TMLHE: variants seen among roughly 807,000 people sequenced by gnomAD.
TMLHE encodes trimethyllysine hydroxylase, epsilon, also known as trimethyllysine dioxygenase, mitochondrial.
TMLHE carries 18 observed loss-of-function variants against 25.7 expected under a neutral mutation model. That is an observed-to-expected ratio of 0.70 (90% CI 0.48 to 1.04). TMLHE has a LOEUF of 1.04. TMLHE is among the 50% of genes least tolerant of loss of function. The probability of loss-of-function intolerance (pLI) is 0.00; values close to 1 mark genes in which losing one functional copy is unlikely to be tolerated. For missense variants in TMLHE, 236 were observed against 259.0 expected, an observed-to-expected ratio of 0.91 and a Z score of 0.61; for synonymous variants, 105 against 97.0, an observed-to-expected ratio of 1.08 and a Z score of -0.49.
intron 1 of TMLHE, among the ~76,000 whole-genome samples, chrX:155,605,281 GA>G (rs2067780367): frequency 1.8e-5 from 2 of 111,517 alleles, no homozygotes; most frequent in African/African-American, 3.3e-5. Flanking sequence ...AACATCACTA[GA>G]AAGGACAACA....
chrX:155,599,096 CTG>C (rs1209687496), intron 1 of TMLHE, among the ~76,000 whole-genome samples: 1 of 111,431 alleles, frequency 9.0e-6, no homozygotes, highest in Non-Finnish European at 1.9e-5. Context: ...TGTTAATTGA[CTG>C]TTTATGTTAT....
chrX:155,558,468 G>T (rs782563022), intron 1 of TMLHE, among the ~76,000 whole-genome samples: 4 of 111,643 alleles, frequency 3.6e-5, no homozygotes, highest in Non-Finnish European at 7.6e-5. Flanking sequence ...CAATAGGAAG[G>T]CCTATCTGTC....
chrX:155,544,695 C>G (rs1473138231), intron 2 of TMLHE, among the ~76,000 whole-genome samples: 2 of 111,816 alleles, frequency 1.8e-5, no homozygotes, highest in Admixed American at 1.9e-4. Context: ...AACCCTCTCC[C>G]TTGTATATTA....
intron 2 of TMLHE, among the ~76,000 whole-genome samples, chrX:155,541,197 G>GC (rs2067308764): frequency 9.1e-6 from 1 of 110,271 alleles, no homozygotes; most frequent in Non-Finnish European, 1.9e-5. Flanking sequence ...CCCTCCCCTA[G>GC]ACCCCACTCC....
At chrX:155,586,981 T>C (rs2067668935) in intron 1 of TMLHE, among the ~76,000 whole-genome samples, 2 of 112,062 alleles carry the variant, frequency 1.8e-5, no homozygotes, top group Non-Finnish European at 3.8e-5. Context: ...TTCTAAAAAA[T>C]TGAAGAAGAG....
intron 2 of TMLHE, among the ~76,000 whole-genome samples, chrX:155,529,625 G>A (rs908561092): frequency 6.3e-5 from 7 of 111,651 alleles, no homozygotes; most frequent in Admixed American, 9.5e-5. Flanking sequence ...TTTCATATAC[G>A]TGTTGGTCAT....
chrX:155,599,043 A>C (rs2067740900), intron 1 of TMLHE, among the ~76,000 whole-genome samples: 1 of 111,154 alleles, frequency 9.0e-6, no homozygotes, highest in African/African-American at 3.3e-5. Flanking sequence ...ACTCATCTTC[A>C]CATAAGAATA....
rs1557339615 is a variant in TMLHE at position 155,549,273 on chromosome X, T to A, written c.-1-3996A>T. Among the ~76,000 whole-genome samples, 3 of 110,880 alleles carry A rather than the reference T, an allele frequency of 2.7e-5. 1 individual carries two copies. Among genetic ancestry groups the A allele is most frequent in the Non-Finnish European group, 5.7e-5 (3 of 53,051 alleles). ...GCTCACTAGTTAGGAGGAGTAAGCA[T>A]GGACAACCTTGCCTTGTTCCTGATC... On this transcript the variant is annotated intron_variant, in intron 1 of 7. Coordinates refer to ENST00000334398, the MANE Select transcript of TMLHE (RefSeq NM_018196.4).
chrX:155,572,929 C>A lies in TMLHE; in HGVS notation c.-1-27652G>T, dbSNP rs1275928699. ...ACCATTCAGGACATAGGCATGGGCA[C>A]GGACTTCATGTCTAAAACACCAAAA... On this transcript the variant is annotated intron_variant, in intron 1 of 7. Coordinates refer to ENST00000334398, the MANE Select transcript of TMLHE (RefSeq NM_018196.4). Among the ~76,000 whole-genome samples, 3 of 57,345 alleles carry A rather than the reference C, an allele frequency of 5.2e-5. 1 individual carries two copies. The highest frequency in any genetic ancestry group is 2.0e-4 in the Admixed American group (1 of 4,903). The allele number at this position is 57,345 out of a possible 115,157, so 49.8% of individuals were successfully genotyped here.
chrX:155,553,864 T>C lies in TMLHE; in HGVS notation c.-1-8587A>G, dbSNP rs1341523584. Among the ~76,000 whole-genome samples, 7 of 110,774 alleles carry C rather than the reference T, an allele frequency of 6.3e-5. 1 individual carries two copies. The highest frequency in any genetic ancestry group is 3.8e-4 in the South Asian group (1 of 2,616). On this transcript the variant is annotated intron_variant, in intron 1 of 7. Coordinates refer to ENST00000334398, the MANE Select transcript of TMLHE (RefSeq NM_018196.4). Reference sequence around the variant, plus strand: ...AATAATAACATATATATATGACATATTAAAGTGTAGCACAAATTAGAGGGT... The same window carrying C: ...AATAATAACATATATATATGACATACTAAAGTGTAGCACAAATTAGAGGGT...
intron 3 of TMLHE, among the ~76,000 whole-genome samples, chrX:155,515,646 T>C (rs920209017): frequency 2.0e-4 from 22 of 111,907 alleles, no homozygotes; most frequent in Middle Eastern, 4.7e-3. Flanking sequence ...TTTTAAAATA[T>C]ATTTTTTTCT....
intron 2 of TMLHE, among the ~76,000 whole-genome samples, chrX:155,526,854 C>G (rs2067222710): frequency 8.8e-6 from 1 of 112,995 alleles, no homozygotes; most frequent in Non-Finnish European, 1.9e-5. Flanking sequence ...TGCATGGGGC[C>G]TGTAGCCCCT....
At chrX:155,534,132 CAG>C (rs1337781965) in intron 2 of TMLHE, among the ~76,000 whole-genome samples, 2 of 111,573 alleles carry the variant, frequency 1.8e-5, no homozygotes, top group African/African-American at 3.3e-5. Flanking sequence ...CCAAAAAGAA[CAG>C]AGAAAATGGG....
chrX:155,550,204 C>T (rs189049559), intron 1 of TMLHE, among the ~76,000 whole-genome samples: 16 of 110,511 alleles, frequency 1.4e-4, no homozygotes, highest in African/African-American at 5.0e-4. Flanking sequence ...GTGTCTTTAT[C>T]GTAGAATGAT....
In TMLHE at chrX:155,571,985, G is replaced by A. The variant is rs1464571475; in HGVS notation, c.-1-26708C>T. Among the ~76,000 whole-genome samples, 4 of 54,330 alleles carry A rather than the reference G, an allele frequency of 7.4e-5. 1 individual carries two copies. Among genetic ancestry groups the A allele is most frequent in the African/African-American group, 1.8e-4 (4 of 22,257 alleles). The allele number at this position is 54,330 out of a possible 115,157, so 47.2% of individuals were successfully genotyped here. A position where few individuals can be genotyped will look rare whatever the true frequency, so the allele number is the denominator to read the frequency against. The stretch of plus-strand genomic sequence containing the variant: ...ACATAGTGTTGTAAGTTCTGGCCAG[G>A]GCAATTAAGCAGGAGAAGGAAATAA... On this transcript the variant is annotated intron_variant, in intron 1 of 7. Coordinates refer to ENST00000334398, the MANE Select transcript of TMLHE (RefSeq NM_018196.4).
chrX:155,518,401 G>A (rs1251281171), intron 3 of TMLHE, among the ~76,000 whole-genome samples: 1 of 94,645 alleles, frequency 1.1e-5, no homozygotes, highest in Non-Finnish European at 2.1e-5. Flanking sequence ...GCTTTTTGAT[G>A]TGCTGCTGGA....
At chrX:155,608,427 A>T (rs1367468576) in intron 1 of TMLHE, among the ~76,000 whole-genome samples, 2 of 112,160 alleles carry the variant, frequency 1.8e-5, no homozygotes, top group Admixed American at 9.4e-5. Flanking sequence ...ATTAGACTTA[A>T]ATGTAACAAC....
intron 1 of TMLHE, among the ~76,000 whole-genome samples, chrX:155,590,707 T>C (rs2067689286): frequency 9.0e-6 from 1 of 110,973 alleles, no homozygotes; most frequent in African/African-American, 3.3e-5. Context: ...ATGTATATGA[T>C]AAAGACATCA....
chrX:155,581,927 T>G (rs1557344598), intron 1 of TMLHE, among the ~76,000 whole-genome samples: 1 of 111,933 alleles, frequency 8.9e-6, no homozygotes, highest in Non-Finnish European at 1.9e-5. Flanking sequence ...CAAACTATAC[T>G]ACAAGACTAC....
Sources: gnomAD v4.1 joint callset for allele counts (sites outside exome capture counted in the v4.1 genomes callset) on GRCh38, gnomAD v4.1.1 for gene constraint, MANE v1.5 for transcripts, NCBI Gene and HGNC (gene_info 2026-07-23, HGNC 2026-07-21) for gene names.